Variants in ARHGEF12 observed in about 807,000 individuals in gnomAD.
The protein encoded by ARHGEF12 is KMT2A/ARHGEF12 fusion protein.
ARHGEF12 carries 66 observed loss-of-function variants against 211.2 expected under a neutral mutation model. That is an observed-to-expected ratio of 0.31 (90% CI 0.26 to 0.38). ARHGEF12 has a LOEUF of 0.38. Among genes scored for constraint, ARHGEF12 ranks in the 10% least tolerant of loss-of-function variants. The pLI, the probability that ARHGEF12 is intolerant of heterozygous loss-of-function variation, is 1.00. For missense variants in ARHGEF12, 1,429 were observed against 1,869.5 expected, an observed-to-expected ratio of 0.76 and a Z score of 4.34; for synonymous variants, 592 against 638.4, an observed-to-expected ratio of 0.93 and a Z score of 1.09.
chr11:120,448,961 A>T, intron 20 of ARHGEF12, 148 bp from the exon 21 acceptor site: 1 of 632,390 alleles, frequency 1.6e-6, no homozygotes, highest in Non-Finnish European at 2.7e-6. Context: ...GCGAACTTTT[A>T]ATTAGTGCTC....
chr11:120,430,702 A>G (rs528552018), intron 10 of ARHGEF12, among the ~76,000 whole-genome samples: 7 of 152,294 alleles, frequency 4.6e-5, no homozygotes, highest in South Asian at 2.1e-4. Flanking sequence ...ATATTCGCAA[A>G]AGAATTCTTT....
intron 5 of ARHGEF12, 138 bp downstream of exon 5, chr11:120,420,989 A>G (rs1181953950): frequency 2.9e-6 from 2 of 690,234 alleles, no homozygotes; most frequent in East Asian, 2.8e-5. Context: ...TTCGTCTATC[A>G]TGTCATAGTT....
At chr11:120,468,620 T>C (rs1417338334) in intron 29 of ARHGEF12, among the ~76,000 whole-genome samples, 1 of 152,154 alleles carries the variant, frequency 6.6e-6, no homozygotes. Flanking sequence ...GGCTAATTTT[T>C]TTGTATTTTT....
intron 1 of ARHGEF12, among the ~76,000 whole-genome samples, chr11:120,400,222 TTTA>T (rs1181156771): frequency 2.6e-5 from 4 of 152,164 alleles, no homozygotes; most frequent in Non-Finnish European, 1.5e-5. Flanking sequence ...TACTCTTATT[TTTA>T]TTATTTTTAC....
At chr11:120,461,124 C>G (rs1026056353) in intron 27 of ARHGEF12, among the ~76,000 whole-genome samples, 1 of 152,174 alleles carries the variant, frequency 6.6e-6, no homozygotes, top group South Asian at 2.1e-4. Context: ...TTTTGACCTC[C>G]TCCTGTGAAT....
At position 120,447,080 on chromosome 11, in the gene ARHGEF12, A is replaced by C. The variant is rs775988297; in HGVS notation, c.1584A>C (p.Glu528Asp). 3 of 1,614,004 alleles carry C rather than the reference A, an allele frequency of 1.9e-6. No homozygotes were observed. The highest frequency in any genetic ancestry group is 1.7e-5 in the Admixed American group (1 of 60,020). ...AACAGATTGTTGCCAAAATTGAAGA[A>C]GTATTGTAAGTAATAGAAGTATATG... Reference protein sequence around the residue: ...CAEQIVAKIEEVLMTAQAVEE... With the variant: ...CAEQIVAKIEDVLMTAQAVEE... The change falls in exon 18 of 41, where the codon GAA (glutamate) becomes GAC (aspartate). Residue 528 changes from glutamate to aspartate, a missense_variant. Physicochemically the swap from Glu to Asp is conservative, Grantham distance 45. This residue lies in a region of ARHGEF12 where 373 missense variants were observed against 467.5 expected (regional missense o/e 0.80). Coordinates refer to ENST00000397843, the MANE Select transcript of ARHGEF12 (RefSeq NM_015313.3).
At chr11:120,441,958 T>A (rs1945880383) in intron 14 of ARHGEF12, 141 bp downstream of exon 14, 3 of 917,884 alleles carry the variant, frequency 3.3e-6, no homozygotes, top group Admixed American at 2.6e-5. Flanking sequence ...ATTAAAACAT[T>A]ATTTTTAAAG....
intron 27 of ARHGEF12, among the ~76,000 whole-genome samples, chr11:120,462,281 G>A (rs1946557681): frequency 2.0e-5 from 3 of 152,134 alleles, no homozygotes; most frequent in Admixed American, 1.3e-4. Flanking sequence ...AGAGTTGGGG[G>A]AATGGTCAGT....
At chr11:120,474,106 G>A (rs1946955801) in intron 31 of ARHGEF12, among the ~76,000 whole-genome samples, 1 of 152,222 alleles carries the variant, frequency 6.6e-6, no homozygotes, top group African/African-American at 2.4e-5. Context: ...CCAAGTCTGA[G>A]TAGTACCTGG....
chr11:120,403,443 G>A (rs868817189), intron 1 of ARHGEF12, among the ~76,000 whole-genome samples: 2 of 151,788 alleles, frequency 1.3e-5, no homozygotes, highest in Admixed American at 1.3e-4. Flanking sequence ...GGAGGTGGAG[G>A]TTACAGTGAG....
At position 120,336,543 on chromosome 11, in the gene ARHGEF12, G is replaced by A. The variant is rs896006290; in HGVS notation, c.-701G>A. On this transcript the variant is annotated 5_prime_UTR_variant, in exon 1 of 41. Transcript: ENST00000397843. ...GCGTCGGGGAGGAGCCGCCGCCTCT[G>A]GCGATTGCGGAAGAGTCCGGGCCTC... Among the ~76,000 whole-genome samples, 1 of 152,006 alleles carries A rather than the reference G, an allele frequency of 6.6e-6. No individual in the cohort carries two copies. The highest frequency in any genetic ancestry group is 6.6e-5 in the Admixed American group (1 of 15,262).
At position 120,373,251 on chromosome 11, in the gene ARHGEF12, G is replaced by A. The variant is rs377765081; in HGVS notation, c.33-32867G>A. On this transcript the variant is annotated intron_variant, in intron 1 of 40. Transcript: ENST00000397843. The stretch of plus-strand genomic sequence containing the variant: ...TGTTTAATATGATTTACCTGAGGTA[G>A]CCACCATTAACTTCCTTTACACAAA... Among the ~76,000 whole-genome samples the A allele has an allele frequency of 8.5e-5, 13 of 152,278 alleles. No homozygotes were observed. In the South Asian group the frequency reaches 2.7e-3, roughly 32 times the overall value.
At chr11:120,465,168 G>C in intron 27 of ARHGEF12, 69 bp from the exon 28 acceptor site, 2 of 1,589,400 alleles carry the variant, frequency 1.3e-6, no homozygotes, top group South Asian at 1.1e-5. Flanking sequence ...CTGGTTGTCT[G>C]TCACTTTGTC....
At chr11:120,442,793 T>C (rs774872088) in intron 15 of ARHGEF12, among the ~76,000 whole-genome samples, 53 of 152,260 alleles carry the variant, frequency 3.5e-4, no homozygotes, top group Non-Finnish European at 5.7e-4. Flanking sequence ...CGCAGGTCCC[T>C]AGTCCTTTCA....
chr11:120,449,078 G>C, intron 20 of ARHGEF12, 31 bp from the exon 21 acceptor site: 1 of 1,573,974 alleles, frequency 6.4e-7, no homozygotes, highest in Non-Finnish European at 8.7e-7. Flanking sequence ...ACTCTGTTAC[G>C]TATCTCTTAT....
At chr11:120,421,585 G>A (rs764284650) in intron 5 of ARHGEF12, among the ~76,000 whole-genome samples, 1 of 151,790 alleles carries the variant, frequency 6.6e-6, no homozygotes, top group Non-Finnish European at 1.5e-5. Flanking sequence ...CTACAGGCAC[G>A]TGCCACCACA....
chr11:120,357,286 G>T (rs1391182511), intron 1 of ARHGEF12, among the ~76,000 whole-genome samples: 1 of 152,096 alleles, frequency 6.6e-6, no homozygotes, highest in African/African-American at 2.4e-5. Context: ...GAGCCACCAT[G>T]CCTGGCCCCA....
intron 22 of ARHGEF12, among the ~76,000 whole-genome samples, chr11:120,454,456 ATATTTT>A (rs1565494577): frequency 6.6e-6 from 1 of 152,224 alleles, no homozygotes; most frequent in Non-Finnish European, 1.5e-5. Context: ...CAGAGACAAA[ATATTTT>A]TAATACAACT....
Position 120,459,200 on chromosome 11 carries a change from G to A in ARHGEF12, c.2407G>A (p.Val803Ile), listed in dbSNP as rs1353954281. Residue 803 changes from valine to isoleucine, a missense_variant, in exon 26 of 41, where the codon GTT (valine) becomes ATT (isoleucine). Physicochemically the swap from Val to Ile is conservative, Grantham distance 29 (BLOSUM62 3). Coordinates refer to ENST00000397843, the MANE Select transcript of ARHGEF12 (RefSeq NM_015313.3). ...NELFYTERAH[V>I]RTLKVLDQVF... is the part of the protein sequence containing the mutation. ...ATTGTTCTACACTGAAAGAGCTCAT[G>A]TTCGAACACTGAAGGTTCTTGATCA... The A allele has an allele frequency of 6.2e-7, 1 of 1,613,272 alleles. No individual in the cohort carries two copies. Among genetic ancestry groups the A allele is most frequent in the Non-Finnish European group, 8.5e-7 (1 of 1,179,624 alleles).
Sources: allele counts gnomAD v4.1 joint callset (sites outside exome capture counted in the v4.1 genomes callset), GRCh38; gene constraint gnomAD v4.1.1; regional missense constraint gnomAD v4.1.1; transcripts MANE v1.5; gene names NCBI Gene and HGNC (gene_info 2026-07-23, HGNC 2026-07-21).